TDP1: variants seen among roughly 807,000 people sequenced by gnomAD.
The protein encoded by TDP1 is tyrosyl-DNA phosphodiesterase 1, also known as tyr-DNA phosphodiesterase 1.
A neutral mutation model predicts 81.5 loss-of-function variants in TDP1; 64 were observed. The observed-to-expected ratio is 0.79, with a 90% confidence interval of 0.64 to 0.97. The LOEUF (loss-of-function observed/expected upper bound fraction) is 0.97, where lower values mean the gene tolerates loss of function less well. Among genes scored for constraint, TDP1 ranks in the 50% least tolerant of loss-of-function variants. The pLI is 0.00. For missense variants in TDP1, 723 were observed against 743.8 expected (o/e 0.97, Z 0.33); for synonymous variants, 256 against 264.3 (o/e 0.97, Z 0.30).
chr14:89,982,068 AGCAGTCCTT>A (rs1217060999), intron 8 of TDP1, among the ~76,000 whole-genome samples: 1 of 152,042 alleles, frequency 6.6e-6, no homozygotes, highest in Non-Finnish European at 1.5e-5. Context: ...CCTCCCTTAA[AGCAGTCCTT>A]CAGAGTTTGA....
chr14:90,004,654 A>G (rs1322475099), intron 14 of TDP1, among the ~76,000 whole-genome samples: 1 of 152,178 alleles, frequency 6.6e-6, no homozygotes, highest in Non-Finnish European at 1.5e-5. Flanking sequence ...GTTATAGATG[A>G]TGGACAAGAC....
chr14:89,967,632 C>T (rs1378668260), intron 5 of TDP1, among the ~76,000 whole-genome samples: 1 of 152,202 alleles, frequency 6.6e-6, no homozygotes, highest in Non-Finnish European at 1.5e-5. Context: ...GCATTTTCCT[C>T]TGTGCTCTTT....
intron 14 of TDP1, among the ~76,000 whole-genome samples, chr14:90,009,663 G>A (rs1156384815): frequency 1.3e-5 from 2 of 152,204 alleles, no homozygotes; most frequent in Non-Finnish European, 2.9e-5. Flanking sequence ...AAGACATAAA[G>A]ATTATTAAGG....
At chr14:89,986,782 G>A (rs1895616426) in intron 10 of TDP1, among the ~76,000 whole-genome samples, 1 of 152,168 alleles carries the variant, frequency 6.6e-6, no homozygotes. Context: ...AGGTGGACAT[G>A]GAAACTTTGG....
intron 15 of TDP1, among the ~76,000 whole-genome samples, chr14:90,027,182 G>C (rs1194585425): frequency 6.6e-6 from 1 of 152,076 alleles, no homozygotes; most frequent in Non-Finnish European, 1.5e-5. Context: ...TCTCATTGTG[G>C]TTTTGATTTC....
chr14:89,970,306 A>C (rs181516997), intron 5 of TDP1, among the ~76,000 whole-genome samples: 15 of 152,308 alleles, frequency 9.8e-5, no homozygotes, highest in African/African-American at 3.6e-4. Flanking sequence ...TAGCATTTTC[A>C]ACGTAGCTTG....
intron 5 of TDP1, among the ~76,000 whole-genome samples, chr14:89,970,506 T>C (rs1433297228): frequency 6.6e-6 from 1 of 151,946 alleles, no homozygotes; most frequent in East Asian, 1.9e-4. Context: ...AAAAGCACTA[T>C]ATTATATAAT....
At chr14:89,999,351 G>T (rs1207793754) in intron 14 of TDP1, among the ~76,000 whole-genome samples, 2 of 152,190 alleles carry the variant, frequency 1.3e-5, no homozygotes, top group Non-Finnish European at 2.9e-5. Context: ...AGGCAGGATT[G>T]TAGAGAGCAC....
intron 7 of TDP1, among the ~76,000 whole-genome samples, chr14:89,977,696 A>G (rs994591157): frequency 5.9e-5 from 9 of 152,224 alleles, no homozygotes; most frequent in African/African-American, 1.9e-4. Context: ...CTTTGGTGAG[A>G]GAAGCAAGAC....
At chr14:89,980,000 A>T in intron 7 of TDP1, 1 of 218,502 alleles carries the variant, frequency 4.6e-6, no homozygotes, top group Non-Finnish European at 7.8e-6. Flanking sequence ...AGCATCTTTT[A>T]AACTTCTTAA....
intron 3 of TDP1, among the ~76,000 whole-genome samples, chr14:89,964,303 G>GC: frequency 6.6e-6 from 1 of 152,342 alleles, no homozygotes; most frequent in South Asian, 2.1e-4. Context: ...TCCTCAGGGA[G>GC]CACCTGCAGG....
chr14:90,036,256 A>G (rs1489027204), intron 16 of TDP1, among the ~76,000 whole-genome samples: 1 of 152,240 alleles, frequency 6.6e-6, no homozygotes, highest in Non-Finnish European at 1.5e-5. Context: ...CCTCAGTTGC[A>G]TGTAGGATAA....
intron 2 of TDP1, among the ~76,000 whole-genome samples, chr14:89,961,760 A>T (rs1257942422): frequency 6.6e-6 from 1 of 152,138 alleles, no homozygotes; most frequent in East Asian, 1.9e-4. Flanking sequence ...AAATCTTTTG[A>T]TGTAGAATAA....
At chr14:90,027,843 C>T (rs1181996481) in intron 15 of TDP1, among the ~76,000 whole-genome samples, 2 of 152,122 alleles carry the variant, frequency 1.3e-5, no homozygotes, top group African/African-American at 4.8e-5. Flanking sequence ...AAAGTGTTTA[C>T]AACAGTGCCT....
chr14:89,989,411 A>G, intron 11 of TDP1: 1 of 984,764 alleles, frequency 1.0e-6, no homozygotes, highest in Non-Finnish European at 1.2e-6. Context: ...TAGCACAGCC[A>G]GCAGAATTAT....
At chr14:89,977,563 G>T (rs1894494720) in intron 7 of TDP1, among the ~76,000 whole-genome samples, 1 of 152,216 alleles carries the variant, frequency 6.6e-6, no homozygotes, top group Non-Finnish European at 1.5e-5. Context: ...CTCCCAAAGT[G>T]CCGGGATTAC....
At chr14:90,041,414 A>G (rs1030886846) in intron 16 of TDP1, among the ~76,000 whole-genome samples, 3 of 152,232 alleles carry the variant, frequency 2.0e-5, no homozygotes, top group East Asian at 1.9e-4. Flanking sequence ...GAGACAGACA[A>G]ACAGCGTTCT....
In TDP1 at chr14:90,019,040, A is replaced by G. The variant is rs200093687; in HGVS notation, c.1542-276A>G. Reference sequence around the variant, plus strand: ...GAAAAGGGGCTTTAGAACGAAAAAAATAAAATCTAAGGAAAGATAATTATT... The same window carrying G: ...GAAAAGGGGCTTTAGAACGAAAAAAGTAAAATCTAAGGAAAGATAATTATT... On this transcript the variant is annotated intron_variant, in intron 14 of 16. Coordinates refer to ENST00000335725, the MANE Select transcript of TDP1 (RefSeq NM_018319.4). 950 of 984,654 alleles carry G rather than the reference A, an allele frequency of 9.6e-4. 31 individuals are homozygous for G. The East Asian group carries it at 0.082, about 85-fold the overall frequency. The allele number at this position is 984,654 out of a possible 1,614,324, so 61.0% of individuals were successfully genotyped here. A position where few individuals can be genotyped will look rare whatever the true frequency, so the allele number is the denominator to read the frequency against.
chr14:90,005,541 C>T (rs1428661902), intron 14 of TDP1, among the ~76,000 whole-genome samples: 1 of 152,212 alleles, frequency 6.6e-6, no homozygotes, highest in East Asian at 1.9e-4. Context: ...TTACTAAGCA[C>T]TTGCACCTAG....
Sources: gnomAD v4.1 joint callset for allele counts (sites outside exome capture counted in the v4.1 genomes callset) on GRCh38, gnomAD v4.1.1 for gene constraint, MANE v1.5 for transcripts, NCBI Gene and HGNC (gene_info 2026-07-23, HGNC 2026-07-21) for gene names.